GRIK3: variants seen among roughly 807,000 people sequenced by gnomAD.
The protein encoded by GRIK3 is glutamate ionotropic receptor kainate type subunit 3.
GRIK3 carries 29 observed loss-of-function variants against 102.5 expected under a neutral mutation model. That is an observed-to-expected ratio of 0.28 (90% CI 0.21 to 0.39). The LOEUF is 0.39. Ranked by LOEUF, GRIK3 falls within the 10% of genes least tolerant of loss-of-function variation. GRIK3 has a pLI of 1.00. For synonymous variants in GRIK3, 511 were observed against 504.9 expected (o/e 1.01, Z -0.16); for missense variants, 908 against 1,252.4 (o/e 0.73, Z 4.15).
At chr1:36,988,168 G>A (rs966638585) in intron 1 of GRIK3, among the ~76,000 whole-genome samples, 1 of 152,188 alleles carries the variant, frequency 6.6e-6, no homozygotes, top group African/African-American at 2.4e-5. Flanking sequence ...GCACGTGCCT[G>A]GGATCTCAGC....
At chr1:36,943,860 G>C (rs950452465) in intron 1 of GRIK3, among the ~76,000 whole-genome samples, 1 of 152,208 alleles carries the variant, frequency 6.6e-6, no homozygotes, top group Admixed American at 6.5e-5. Flanking sequence ...TCTCTGCCCC[G>C]TGCTGCCCAA....
chr1:36,814,603 T>C (rs1341242345), intron 13 of GRIK3, among the ~76,000 whole-genome samples: 1 of 147,036 alleles, frequency 6.8e-6, no homozygotes, highest in Non-Finnish European at 1.5e-5. Context: ...TCATTATACA[T>C]GCACACACAG....
intron 10 of GRIK3, among the ~76,000 whole-genome samples, chr1:36,826,691 A>G (rs926655517): frequency 3.3e-5 from 5 of 151,926 alleles, no homozygotes; most frequent in Admixed American, 1.3e-4. Context: ...AAAAAAAAAA[A>G]AAAAGAAAAG....
At chr1:36,906,273 A>T (rs952472045) in intron 1 of GRIK3, among the ~76,000 whole-genome samples, 6 of 152,232 alleles carry the variant, frequency 3.9e-5, no homozygotes, top group African/African-American at 1.4e-4. Flanking sequence ...GCCATGCTTC[A>T]GTCCCAAACC....
chr1:36,948,125 T>C (rs143409103), intron 1 of GRIK3, among the ~76,000 whole-genome samples: 45 of 152,256 alleles, frequency 3.0e-4, no homozygotes, highest in African/African-American at 9.9e-4. Context: ...TGCTCCCCCA[T>C]GCAACACCTG....
At position 36,922,335 on chromosome 1, in the gene GRIK3, C is replaced by G. The variant is rs111580895; in HGVS notation, c.116-31239G>C. 5.3e-3 allele frequency among the ~76,000 whole-genome samples: 801 copies of G among 152,304 alleles called. 7 individuals are homozygous for G. The highest frequency in any genetic ancestry group is 0.018 in the African/African-American group (768 of 41,556). On this transcript the variant is annotated intron_variant, in intron 1 of 15. Transcript: ENST00000373091. ...GGGAGGTCAGGCGGTGGGTTCTGCC[C>G]TGTGGCAGGTACCACCCGCCCCCTT...
At chr1:36,904,169 A>G (rs510686) in intron 1 of GRIK3, among the ~76,000 whole-genome samples, 135,865 of 152,258 alleles carry the variant, frequency 0.89, 60,840 homozygotes, top group East Asian at 0.99. Flanking sequence ...AAAGGGTAAT[A>G]TTTTAACACG....
chr1:37,011,255 G>A (rs528574975), intron 1 of GRIK3, among the ~76,000 whole-genome samples: 3 of 152,288 alleles, frequency 2.0e-5, no homozygotes, highest in South Asian at 2.1e-4. Context: ...GGAGACTAAC[G>A]GTTCTTGTCT....
chr1:36,882,396 G>A (rs977867486), intron 2 of GRIK3, among the ~76,000 whole-genome samples: 4 of 152,174 alleles, frequency 2.6e-5, no homozygotes, highest in African/African-American at 7.2e-5. Context: ...CAGGGCAGCT[G>A]GGGCTCAAAA....
At chr1:36,946,421 C>T (rs1641785439) in intron 1 of GRIK3, among the ~76,000 whole-genome samples, 3 of 152,208 alleles carry the variant, frequency 2.0e-5, no homozygotes, top group Admixed American at 6.5e-5. Flanking sequence ...CTGCTTCAGG[C>T]TGCAGGAAGG....
In GRIK3 at chr1:36,869,810, A is replaced by G. The variant is rs1343213638; in HGVS notation, c.733-9T>C. On this transcript the variant is annotated splice_polypyrimidine_tract_variant and intron_variant, in intron 4 of 15. Transcript: ENST00000373091. ...ATGCCCATGGCCATGGCCTGCAGAAAAGCAGAGTGTTAGTGATCAGCAGGG... is the reference window on the plus strand; with the variant it reads ...ATGCCCATGGCCATGGCCTGCAGAAGAGCAGAGTGTTAGTGATCAGCAGGG... 1 of 1,609,300 alleles carries G rather than the reference A, an allele frequency of 6.2e-7. No homozygotes were observed. The highest frequency in any genetic ancestry group is 2.2e-5 in the East Asian group (1 of 44,856).
At chr1:36,948,509 G>A (rs1434860643) in intron 1 of GRIK3, among the ~76,000 whole-genome samples, 1 of 152,182 alleles carries the variant, frequency 6.6e-6, no homozygotes, top group African/African-American at 2.4e-5. Flanking sequence ...ACAAGGCACT[G>A]AGCATCAAAG....
At chr1:36,937,760 G>A (rs1641675722) in intron 1 of GRIK3, among the ~76,000 whole-genome samples, 2 of 152,146 alleles carry the variant, frequency 1.3e-5, no homozygotes, top group Admixed American at 6.5e-5. Flanking sequence ...GGTTTATAAT[G>A]AACAATCAAG....
chr1:36,873,482 T>C (rs1640865109), intron 3 of GRIK3, among the ~76,000 whole-genome samples: 2 of 152,138 alleles, frequency 1.3e-5, no homozygotes, highest in Admixed American at 1.3e-4. Flanking sequence ...TTACTCTGTA[T>C]ATACTTCCCG....
At chr1:36,959,051 G>GT (rs1641965521) in intron 1 of GRIK3, among the ~76,000 whole-genome samples, 1 of 125,480 alleles carries the variant, frequency 8.0e-6, no homozygotes, top group Non-Finnish European at 1.7e-5. Flanking sequence ...GAGTCTGTGT[G>GT]CCCTGTGAGC....
chr1:36,826,388 G>C (rs901734844), intron 10 of GRIK3, among the ~76,000 whole-genome samples: 1 of 152,246 alleles, frequency 6.6e-6, no homozygotes. Context: ...AGACAGGCAG[G>C]CTGGGCGTTG....
At chr1:36,979,886 C>T (rs1271880922) in intron 1 of GRIK3, among the ~76,000 whole-genome samples, 1 of 152,142 alleles carries the variant, frequency 6.6e-6, no homozygotes, top group East Asian at 1.9e-4. Flanking sequence ...GAGGGGTTTG[C>T]AAGAGAAGAG....
chr1:36,886,662 A>G (rs918742639), intron 2 of GRIK3, among the ~76,000 whole-genome samples: 1 of 152,228 alleles, frequency 6.6e-6, no homozygotes, highest in African/African-American at 2.4e-5. Flanking sequence ...TTATTGAGAT[A>G]TAAAATATAG....
At chr1:37,006,250 G>C (rs1377517365) in intron 1 of GRIK3, among the ~76,000 whole-genome samples, 3 of 152,226 alleles carry the variant, frequency 2.0e-5, no homozygotes, top group Non-Finnish European at 4.4e-5. Context: ...CAGCGGTGTT[G>C]ACTGGGGCAG....
Sources: allele counts gnomAD v4.1 joint callset (sites outside exome capture counted in the v4.1 genomes callset), GRCh38; gene constraint gnomAD v4.1.1; transcripts MANE v1.5; gene names NCBI Gene and HGNC (gene_info 2026-07-23, HGNC 2026-07-21).